Variants in NFIB observed in about 807,000 individuals in gnomAD.
NFIB encodes nuclear factor 1 B-type.
NFIB carries 11 observed loss-of-function variants against 61.5 expected under a neutral mutation model. That is an observed-to-expected ratio of 0.18 (90% CI 0.11 to 0.30). The LOEUF is 0.30. Among genes scored for constraint, NFIB ranks in the 10% least tolerant of loss-of-function variants. The pLI, the probability that NFIB is intolerant of heterozygous loss-of-function variation, is 1.00. For missense variants in NFIB, 471 were observed against 608.9 expected (o/e 0.77, Z 2.38); for synonymous variants, 260 against 216.5 (o/e 1.20, Z -1.76).
intron 7 of NFIB, among the ~76,000 whole-genome samples, chr9:14,121,028 T>C (rs1034772600): frequency 6.6e-6 from 1 of 152,172 alleles, no homozygotes; most frequent in Non-Finnish European, 1.5e-5. Flanking sequence ...TTTGGGCGGC[T>C]GGGGCAGGTG....
chr9:14,201,197 AGCC>A (rs1462490241), intron 2 of NFIB, among the ~76,000 whole-genome samples: 2 of 152,174 alleles, frequency 1.3e-5, no homozygotes, highest in African/African-American at 4.8e-5. Flanking sequence ...TCCTCTGCAT[AGCC>A]ACCAGGAATC....
At chr9:14,179,528 G>C (rs553646761) in intron 3 of NFIB, among the ~76,000 whole-genome samples, 199 bp downstream of exon 3, 14 of 152,276 alleles carry the variant, frequency 9.2e-5, no homozygotes, top group African/African-American at 3.4e-4. Context: ...AAACATTGGT[G>C]ATTAGGTAAA....
At chr9:14,112,678 T>C (rs1404061180) in intron 10 of NFIB, among the ~76,000 whole-genome samples, 2 of 152,222 alleles carry the variant, frequency 1.3e-5, no homozygotes, top group Non-Finnish European at 2.9e-5. Flanking sequence ...TTGCAGTTTT[T>C]GTCTTTGAAA....
chr9:14,506,402 C>G, the NFIB span, among the ~76,000 whole-genome samples: 27 of 152,250 alleles, frequency 1.8e-4, no homozygotes, highest in African/African-American at 6.3e-4. Flanking sequence ...AGAGGAACCC[C>G]TTGTCTCTAG....
chr9:14,111,419 A>G (rs183861133), intron 10 of NFIB, among the ~76,000 whole-genome samples: 58 of 152,302 alleles, frequency 3.8e-4, no homozygotes, highest in African/African-American at 1.2e-3. Flanking sequence ...TTGGGGCTAA[A>G]GGTTTAAATA....
intron 2 of NFIB, among the ~76,000 whole-genome samples, chr9:14,259,634 C>T (rs2056557491): frequency 1.3e-5 from 2 of 152,188 alleles, no homozygotes; most frequent in African/African-American, 4.8e-5. Flanking sequence ...GGCGCAGTGG[C>T]TCACGCCTGT....
chr9:14,417,775 T>TG, the NFIB span, among the ~76,000 whole-genome samples: 1 of 25,868 alleles, frequency 3.9e-5, no homozygotes, highest in Non-Finnish European at 9.3e-5. Flanking sequence ...CTAGGAACAG[T>TG]TTTTTTTTTT....
At chr9:14,182,708 C>CTGTGTGTGTGTG (rs59897559) in intron 2 of NFIB, among the ~76,000 whole-genome samples, 2 of 96,994 alleles carry the variant, frequency 2.1e-5, no homozygotes, top group African/African-American at 4.4e-5. Context: ...CTCTCTCTCT[C>CTGTGTGTGTGTG]TGTGTGTGTG....
chr9:14,380,380 T>C (rs773181688), intron 1 of NFIB, among the ~76,000 whole-genome samples: 1 of 152,232 alleles, frequency 6.6e-6, no homozygotes, highest in Non-Finnish European at 1.5e-5. Flanking sequence ...GCTTGCCTAA[T>C]ACTTTCACCA....
At position 14,150,264 on chromosome 9, in the gene NFIB, C is replaced by A. The variant is rs368309534; in HGVS notation, c.687G>T (p.Thr229=). Reference sequence around the variant, plus strand: ...TGACTCCAGTTCCCTGGGTTATGGGCGCTGAGGAATAAGACAAAGAAGCAC... The same window carrying A: ...TGACTCCAGTTCCCTGGGTTATGGGAGCTGAGGAATAAGACAAAGAAGCAC... ...NVSELVRVSR[T]PITQGTGVNF... Residue 229 remains threonine, a splice_region_variant and synonymous_variant, in exon 5 of 11, where the codon ACG becomes ACT. Transcript: ENST00000380953. 1.9e-6 allele frequency: 3 copies of A among 1,613,040 alleles called. No homozygotes were observed. The highest frequency in any genetic ancestry group is 2.5e-6 in the Non-Finnish European group (3 of 1,179,370).
the NFIB span, among the ~76,000 whole-genome samples, chr9:14,429,429 T>C: frequency 6.6e-6 from 1 of 152,230 alleles, no homozygotes; most frequent in African/African-American, 2.4e-5. Context: ...GATTTAGCTT[T>C]TGTCAGAATT....
At chr9:14,105,197 T>C (rs1026264216) in intron 10 of NFIB, among the ~76,000 whole-genome samples, 1 of 152,168 alleles carries the variant, frequency 6.6e-6, no homozygotes, top group Non-Finnish European at 1.5e-5. Context: ...CTAAAAGTAG[T>C]CCCAAAGTGG....
At chr9:14,212,450 A>G (rs2050411725) in intron 2 of NFIB, among the ~76,000 whole-genome samples, 1 of 152,212 alleles carries the variant, frequency 6.6e-6, no homozygotes, top group African/African-American at 2.4e-5. Context: ...CAATGTGCTT[A>G]AGTATCCCTA....
intron 5 of NFIB, 115 bp downstream of exon 5, chr9:14,150,030 C>G (rs556986855): frequency 7.0e-7 from 1 of 1,425,912 alleles, no homozygotes; most frequent in East Asian, 2.4e-5. Context: ...TGTGTACTAC[C>G]AGCAAAAATT....
At chr9:14,350,524 A>T (rs1054897186) in intron 1 of NFIB, among the ~76,000 whole-genome samples, 2 of 151,466 alleles carry the variant, frequency 1.3e-5, no homozygotes, top group East Asian at 1.9e-4. Flanking sequence ...TGGGGGGGGA[A>T]GTTGGGGGTC....
At chr9:14,353,512 A>G (rs1161888992) in intron 1 of NFIB, among the ~76,000 whole-genome samples, 1 of 152,138 alleles carries the variant, frequency 6.6e-6, no homozygotes, top group East Asian at 1.9e-4. Flanking sequence ...GAAGCAGAAA[A>G]TGGCTTTAAG....
chr9:14,094,721 C>A (rs902276251), intron 10 of NFIB, among the ~76,000 whole-genome samples: 11 of 152,070 alleles, frequency 7.2e-5, no homozygotes, highest in African/African-American at 2.4e-4. Flanking sequence ...ATTATTCTAA[C>A]TGCAAGCAAT....
chr9:14,250,793 C>T (rs1399868199), intron 2 of NFIB, among the ~76,000 whole-genome samples: 1 of 152,176 alleles, frequency 6.6e-6, no homozygotes, highest in African/African-American at 2.4e-5. Flanking sequence ...TAAGGTATCA[C>T]CTTTTCTAGT....
chr9:14,213,855 G>C (rs898668823), intron 2 of NFIB, among the ~76,000 whole-genome samples: 2 of 152,050 alleles, frequency 1.3e-5, no homozygotes, highest in Non-Finnish European at 2.9e-5. Context: ...TCCTAAAACT[G>C]TAAGGAACTG....
Sources: allele counts gnomAD v4.1 joint callset (sites outside exome capture counted in the v4.1 genomes callset), GRCh38; gene constraint gnomAD v4.1.1; transcripts MANE v1.5; gene names NCBI Gene and HGNC (gene_info 2026-07-23, HGNC 2026-07-21).